The following CEP128 variants were observed in gnomAD, a reference collection of about 807,000 sequenced individuals.
CEP128 encodes the protein centrosomal protein 128.
A neutral mutation model predicts 156.7 loss-of-function variants in CEP128; 132 were observed. The observed-to-expected ratio is 0.84, with a 90% CI of 0.73 to 0.97. CEP128 has a LOEUF of 0.97. Ranked by LOEUF, CEP128 falls within the 50% of genes least tolerant of loss-of-function variation. The probability of loss-of-function intolerance (pLI) is 0.00; values close to 1 mark genes in which losing one functional copy is unlikely to be tolerated. For missense variants in CEP128, 1,252 were observed against 1,281.9 expected (o/e 0.98, Z 0.36); for synonymous variants, 469 against 448.9 (o/e 1.04, Z -0.57).
At chr14:80,742,287 C>T (rs1898871309) in intron 19 of CEP128, among the ~76,000 whole-genome samples, 1 of 152,152 alleles carries the variant, frequency 6.6e-6, no homozygotes, top group South Asian at 2.1e-4. Context: ...ACTAAATCAA[C>T]TAGTTCCTGA....
intron 13 of CEP128, among the ~76,000 whole-genome samples, chr14:80,807,876 G>A (rs1036533223): frequency 6.6e-6 from 1 of 152,158 alleles, no homozygotes; most frequent in African/African-American, 2.4e-5. Flanking sequence ...ACATCTCCCT[G>A]TGTCCCCCAG....
intron 17 of CEP128, 66 bp downstream of exon 17, chr14:80,761,371 T>C (rs893007599): frequency 3.3e-6 from 4 of 1,199,534 alleles, no homozygotes; most frequent in African/African-American, 3.0e-5. Context: ...CACATGAAAA[T>C]CCTATTACAA....
In CEP128 at chr14:80,747,637, T is replaced by C. The variant is rs183514354; in HGVS notation, c.2614-4370A>G. 1.7e-3 allele frequency among the ~76,000 whole-genome samples: 253 copies of C among 152,250 alleles called. 1 individual carries two copies. Among genetic ancestry groups the C allele is most frequent in the African/African-American group, 5.9e-3 (244 of 41,528 alleles). ...GCCTGACCAACATAATGAAACCCTG[T>C]CTCTACTAAAAACACAAAAATTGGC... On this transcript the variant is annotated intron_variant, in intron 18 of 24. Coordinates refer to ENST00000555265, the MANE Select transcript of CEP128 (RefSeq NM_152446.5).
At chr14:80,930,255 C>T (rs148299234) in intron 2 of CEP128, among the ~76,000 whole-genome samples, 1 of 152,292 alleles carries the variant, frequency 6.6e-6, no homozygotes, top group Non-Finnish European at 1.5e-5. Context: ...TATCAAAACC[C>T]TATCAGTGAG....
chr14:80,946,043 A>G (rs1231827305), upstream of CEP128, among the ~76,000 whole-genome samples: 1 of 152,208 alleles, frequency 6.6e-6, no homozygotes, highest in African/African-American at 2.4e-5. Flanking sequence ...AAGTTACTTA[A>G]TCATTCTGTG....
chr14:80,757,998 C>G (rs1401968791), intron 17 of CEP128, among the ~76,000 whole-genome samples: 1 of 152,190 alleles, frequency 6.6e-6, no homozygotes, highest in Admixed American at 6.5e-5. Flanking sequence ...TCTTCCAGTT[C>G]TCTACTACAT....
intron 9 of CEP128, among the ~76,000 whole-genome samples, chr14:80,852,535 T>C (rs1442570856): frequency 6.6e-6 from 1 of 151,754 alleles, no homozygotes; most frequent in East Asian, 1.9e-4. Context: ...GAGCAGAAGT[T>C]AATGAAGCAA....
At chr14:80,946,275 C>T (rs146990695), upstream of CEP128, among the ~76,000 whole-genome samples, 284 of 147,480 alleles carry the variant, frequency 1.9e-3, 2 homozygotes, top group Non-Finnish European at 3.4e-3. Context: ...TTATTTTGTT[C>T]TAGACACTTA....
At chr14:80,668,548 G>A (rs1895717556) in intron 19 of CEP128, among the ~76,000 whole-genome samples, 1 of 152,164 alleles carries the variant, frequency 6.6e-6, no homozygotes, top group Admixed American at 6.5e-5. Context: ...CATCAATTAT[G>A]TCACATGAAG....
In CEP128 at chr14:80,729,058, G is replaced by GGTGTGTGTGTGTGTGTGTGTGTGTGT. The variant is rs559470308; in HGVS notation, c.2806+13991_2806+14016dup. Among the ~76,000 whole-genome samples the GGTGTGTGTGTGTGTGTGTGTGTGTGT allele has an allele frequency of 5.5e-4, 58 of 105,034 alleles. 2 individuals carry two copies. Among genetic ancestry groups the GGTGTGTGTGTGTGTGTGTGTGTGTGT allele is most frequent in the Non-Finnish European group, 7.2e-4 (41 of 56,744 alleles). The allele number at this position is 105,034 out of a possible 152,430, so 68.9% of individuals were successfully genotyped here. On this transcript the variant is annotated intron_variant, in intron 19 of 24. Transcript: ENST00000555265. ...CCTAGTCCCAGGCTGGGCTGGTGGG[G>GGTGTGTGTGTGTGTGTGTGTGTGTGT]GTGTGTGTGTGTGTGTGTGTGTGTG... is the stretch of plus-strand genomic sequence containing the variant.
rs764201565 is a variant in CEP128, at chr14:80,504,950, C to T, written c.3143G>A (p.Ser1048Asn). The stretch of plus-strand genomic sequence containing the variant: ...AAATCTTGGACTAGACAGGAAGCGA[C>T]TGTGATCCTGCCAAGAGGATGAGTG... ...LDHSSSWQDHSRFLSSPRFSY... is the reference protein window; with the variant it reads ...LDHSSSWQDHNRFLSSPRFSY... Residue 1048 changes from serine (S) to asparagine (N), a missense_variant, in exon 24 of 25, where the codon AGT (serine) becomes AAT (asparagine). Coordinates refer to ENST00000555265, the MANE Select transcript of CEP128 (RefSeq NM_152446.5). 1.2e-6 allele frequency: 2 copies of T among 1,606,400 alleles called. No homozygotes were observed. Among genetic ancestry groups the T allele is most frequent in the South Asian group, 2.2e-5 (2 of 89,604 alleles).
chr14:80,572,244 T>C (rs1891170000), intron 20 of CEP128, among the ~76,000 whole-genome samples: 1 of 152,166 alleles, frequency 6.6e-6, no homozygotes, highest in South Asian at 2.1e-4. Context: ...AGCTAGAGAT[T>C]GGGTGGGGAG....
At chr14:80,602,257 C>A (rs1382076914) in intron 19 of CEP128, among the ~76,000 whole-genome samples, 1 of 151,890 alleles carries the variant, frequency 6.6e-6, no homozygotes, top group Admixed American at 6.6e-5. Flanking sequence ...GTAACAATAC[C>A]CCACCTTCAA....
At chr14:80,940,524 T>TA (rs1886087136) in intron 1 of CEP128, among the ~76,000 whole-genome samples, 1 of 150,466 alleles carries the variant, frequency 6.6e-6, no homozygotes, top group African/African-American at 2.5e-5. Context: ...TTTTTTTTTT[T>TA]AATGTACAGC....
chr14:80,730,554 C>T (rs1305468526), intron 19 of CEP128, among the ~76,000 whole-genome samples: 1 of 152,182 alleles, frequency 6.6e-6, no homozygotes, highest in Non-Finnish European at 1.5e-5. Context: ...TATACCTCTT[C>T]TGGCCCCAGT....
intron 13 of CEP128, among the ~76,000 whole-genome samples, chr14:80,802,510 A>C (rs113324353): frequency 0.022 from 3,058 of 136,272 alleles, 35 homozygotes; most frequent in Middle Eastern, 0.064. Context: ...ACACAGAAAG[A>C]GGAACAACAC....
intron 19 of CEP128, among the ~76,000 whole-genome samples, chr14:80,595,868 A>T (rs1203178116): frequency 6.6e-6 from 1 of 151,990 alleles, no homozygotes; most frequent in Non-Finnish European, 1.5e-5. Context: ...TGTGTAGGGG[A>T]ACTCCCCTTA....
intron 19 of CEP128, among the ~76,000 whole-genome samples, chr14:80,727,340 AG>A (rs1036044886): frequency 6.6e-6 from 1 of 152,174 alleles, no homozygotes; most frequent in African/African-American, 2.4e-5. Flanking sequence ...TAGAAGCCTC[AG>A]GGGAAGCTTA....
At chr14:80,862,441 T>C (rs1025888997) in intron 9 of CEP128, among the ~76,000 whole-genome samples, 1 of 152,198 alleles carries the variant, frequency 6.6e-6, no homozygotes, top group Non-Finnish European at 1.5e-5. Context: ...TGACAAACAG[T>C]ATGTTAAGAG....
Sources: allele counts gnomAD v4.1 joint callset (sites outside exome capture counted in the v4.1 genomes callset), GRCh38; gene constraint gnomAD v4.1.1; transcripts MANE v1.5; gene names NCBI Gene and HGNC (gene_info 2026-07-23, HGNC 2026-07-21).